Variants in EYS observed in about 807,000 individuals in gnomAD.
The protein encoded by EYS is EGF-like photoreceptor maintenance factor, also known as protein eyes shut homolog.
EYS carries 250 observed loss-of-function variants against 282.1 expected under a neutral mutation model. The ratio of observed to expected loss-of-function variants is 0.89; its 90% CI spans 0.80 to 0.98. The LOEUF (loss-of-function observed/expected upper bound fraction) is 0.98, where lower values mean the gene tolerates loss of function less well. EYS is among the 50% of genes least tolerant of loss of function. The pLI, the probability that EYS is intolerant of heterozygous loss-of-function variation, is 0.00. For missense variants in EYS, 4,016 were observed against 3,709.0 expected (o/e 1.08, Z -2.15); for synonymous variants, 1,355 against 1,282.9 (o/e 1.06, Z -1.20).
At chr6:64,274,536 G>T (rs1768051917) in intron 30 of EYS, among the ~76,000 whole-genome samples, 1 of 124,694 alleles carries the variant, frequency 8.0e-6, no homozygotes, top group South Asian at 2.6e-4. Flanking sequence ...AGTGACCTTC[G>T]AATTTGCCAA....
intron 28 of EYS, among the ~76,000 whole-genome samples, chr6:64,416,033 A>G (rs1304450791): frequency 6.6e-6 from 1 of 152,172 alleles, no homozygotes; most frequent in East Asian, 1.9e-4. Context: ...CTCGTGTGCT[A>G]TTCCAAAAGA....
At chr6:64,030,686 A>G (rs1413492244) in intron 33 of EYS, among the ~76,000 whole-genome samples, 4 of 152,168 alleles carry the variant, frequency 2.6e-5, no homozygotes, top group South Asian at 2.1e-4. Flanking sequence ...CGTGTCAGCC[A>G]TCTTGTTATT....
At chr6:64,531,926 A>C (rs1487534389) in intron 26 of EYS, among the ~76,000 whole-genome samples, 1 of 152,068 alleles carries the variant, frequency 6.6e-6, no homozygotes, top group Admixed American at 6.5e-5. Flanking sequence ...GGTTGAAAAA[A>C]ATTCTTTCAA....
chr6:64,150,870 G>A (rs893028731), intron 31 of EYS, among the ~76,000 whole-genome samples: 11 of 152,068 alleles, frequency 7.2e-5, no homozygotes, highest in African/African-American at 2.7e-4. Flanking sequence ...GATTGGCACA[G>A]CTTAGAAAGG....
intron 19 of EYS, among the ~76,000 whole-genome samples, chr6:64,866,589 TTA>T (rs1483595676): frequency 3.3e-5 from 5 of 151,824 alleles, no homozygotes; most frequent in African/African-American, 9.7e-5. Context: ...GATATAATTT[TTA>T]TGATTCCCAA....
intron 19 of EYS, among the ~76,000 whole-genome samples, chr6:64,864,464 C>T (rs2150050414): frequency 7.0e-6 from 1 of 141,912 alleles, no homozygotes; most frequent in Non-Finnish European, 1.5e-5. Flanking sequence ...CGGCTCACTG[C>T]AACCTCCAAC....
rs115914083 is a variant in EYS, at chr6:65,233,466, T to C, written c.2023+62397A>G. Among the ~76,000 whole-genome samples the C allele has an allele frequency of 2.5e-3, 375 of 152,284 alleles. 1 individual carries two copies. The highest frequency in any genetic ancestry group is 0.024 in the Middle Eastern group (7 of 294). On this transcript the variant is annotated intron_variant, in intron 12 of 42. Coordinates refer to ENST00000503581, the MANE Select transcript of EYS (RefSeq NM_001142800.2). Reference sequence around the variant, plus strand: ...ATTTTTAATCTTTGAGTCTAATATCTAGAGGTTGTCCCAGGAAGAATATAG... The same window carrying C: ...ATTTTTAATCTTTGAGTCTAATATCCAGAGGTTGTCCCAGGAAGAATATAG...
intron 35 of EYS, among the ~76,000 whole-genome samples, chr6:63,919,910 C>T (rs1421183833): frequency 6.6e-6 from 1 of 152,194 alleles, no homozygotes. Context: ...GTTAATTATC[C>T]ACCTTTCCAC....
At chr6:64,228,432 T>C (rs1766315850) in intron 31 of EYS, among the ~76,000 whole-genome samples, 3 of 152,144 alleles carry the variant, frequency 2.0e-5, no homozygotes, top group Admixed American at 1.3e-4. Flanking sequence ...TTTTGTTTAG[T>C]ATATCATGTG....
chr6:64,703,294 C>T lies in EYS; in HGVS notation c.3444-77049G>A, dbSNP rs1770850822. On this transcript the variant is annotated intron_variant, in intron 22 of 42. Coordinates refer to ENST00000503581, the MANE Select transcript of EYS (RefSeq NM_001142800.2). ...ATCCTTGTTGTATTGAAATATAGTGCCCAAATAATTATCTGCAATGCTAAT... is the reference window on the plus strand; with the variant it reads ...ATCCTTGTTGTATTGAAATATAGTGTCCAAATAATTATCTGCAATGCTAAT... Among the ~76,000 whole-genome samples the T allele has an allele frequency of 2.0e-5, 3 of 149,584 alleles. No individual in the cohort carries two copies. The South Asian group carries it at 6.4e-4, about 32-fold the overall frequency.
Position 65,447,335 on chromosome 6 carries a change from T to C in EYS, c.863-41968A>G, listed in dbSNP as rs1768705613. ...GTGTGTGTATATATATGTGTGTGTATATATATATATAAATATATGTATATA... is the reference window on the plus strand; with the variant it reads ...GTGTGTGTATATATATGTGTGTGTACATATATATATAAATATATGTATATA... On this transcript the variant is annotated intron_variant, in intron 5 of 42. Transcript: ENST00000503581. Among the ~76,000 whole-genome samples, 3 of 105,404 alleles carry C rather than the reference T, an allele frequency of 2.8e-5. No homozygotes were observed. In the South Asian group the frequency reaches 8.5e-4, roughly 30 times the overall value. The allele number at this position is 105,404 out of a possible 152,430, so 69.1% of individuals were successfully genotyped here.
intron 26 of EYS, among the ~76,000 whole-genome samples, chr6:64,519,176 A>G (rs1777655384): frequency 1.3e-5 from 2 of 151,730 alleles, no homozygotes. Context: ...AAATGCTCTC[A>G]TCCTCCAGGA....
intron 31 of EYS, among the ~76,000 whole-genome samples, chr6:64,228,831 TAC>T (rs1201861238): frequency 1.8e-4 from 28 of 152,160 alleles, no homozygotes; most frequent in African/African-American, 6.7e-4. Context: ...TGGAAGAAAA[TAC>T]AGTTACTCTA....
chr6:65,447,793 AG>A (rs1197735587), intron 5 of EYS, among the ~76,000 whole-genome samples: 12 of 152,054 alleles, frequency 7.9e-5, no homozygotes, highest in Non-Finnish European at 1.5e-4. Flanking sequence ...TGAGGGAGCT[AG>A]GGAACACTTT....
At chr6:64,821,314 G>A (rs1485349858) in intron 21 of EYS, among the ~76,000 whole-genome samples, 1 of 152,038 alleles carries the variant, frequency 6.6e-6, no homozygotes, top group Non-Finnish European at 1.5e-5. Flanking sequence ...AGACCAGGGA[G>A]GACGAGGCAG....
chr6:65,154,155 T>C (rs998853191), intron 12 of EYS, among the ~76,000 whole-genome samples: 3 of 151,740 alleles, frequency 2.0e-5, no homozygotes, highest in African/African-American at 7.3e-5. Context: ...CTACCACATA[T>C]AAGTAGATAT....
chr6:65,383,488 A>C (rs905239645), intron 8 of EYS, among the ~76,000 whole-genome samples: 5 of 151,844 alleles, frequency 3.3e-5, no homozygotes, highest in African/African-American at 9.7e-5. Context: ...ATTCCAATGA[A>C]TAGTAATGAG....
At chr6:64,496,654 C>A (rs1269144675) in intron 26 of EYS, among the ~76,000 whole-genome samples, 1 of 151,870 alleles carries the variant, frequency 6.6e-6, no homozygotes, top group Non-Finnish European at 1.5e-5. Context: ...GAAAATTATT[C>A]AGAAACCATT....
chr6:64,260,910 T>C (rs557731345), intron 30 of EYS, among the ~76,000 whole-genome samples: 1 of 152,128 alleles, frequency 6.6e-6, no homozygotes, highest in East Asian at 1.9e-4. Flanking sequence ...GGATACATAA[T>C]AGGTATATAT....
Sources: gnomAD v4.1 joint callset for allele counts (sites outside exome capture counted in the v4.1 genomes callset) on GRCh38, gnomAD v4.1.1 for gene constraint, MANE v1.5 for transcripts, NCBI Gene and HGNC (gene_info 2026-07-23, HGNC 2026-07-21) for gene names.